Variants in GRIN2A observed in about 807,000 individuals in gnomAD.
GRIN2A encodes the protein glutamate receptor ionotropic, NMDA 2A.
A neutral mutation model predicts 113.4 loss-of-function variants in GRIN2A; 22 were observed. That is an observed-to-expected ratio of 0.19 (90% CI 0.14 to 0.28). The LOEUF (loss-of-function observed/expected upper bound fraction) is 0.28. Among genes scored for constraint, GRIN2A ranks in the 10% least tolerant of loss-of-function variants. The probability of loss-of-function intolerance (pLI) is 1.00; values close to 1 mark genes in which losing one functional copy is unlikely to be tolerated. For synonymous variants in GRIN2A, 827 were observed against 738.4 expected (o/e 1.12, Z -1.94); for missense variants, 1,502 against 1,887.0 (o/e 0.80, Z 3.78).
intron 4 of GRIN2A, among the ~76,000 whole-genome samples, chr16:9,853,874 CA>C (rs529900004): frequency 2.0e-5 from 3 of 151,992 alleles, no homozygotes; most frequent in Middle Eastern, 3.4e-3. Flanking sequence ...TATATTACAG[CA>C]AAAAAACCCA....
chr16:9,783,610 C>A (rs1488488015), intron 11 of GRIN2A, among the ~76,000 whole-genome samples: 1 of 152,278 alleles, frequency 6.6e-6, no homozygotes, highest in East Asian at 1.9e-4. Context: ...ATTTATGCCT[C>A]TAGTTTTCAC....
Position 10,057,377 on chromosome 16 carries a change from G to A in GRIN2A, c.415-118826C>T, listed in dbSNP as rs117304774. 8.1e-3 allele frequency among the ~76,000 whole-genome samples: 1,235 copies of A among 152,180 alleles called. 9 individuals are homozygous for A. Among genetic ancestry groups the A allele is most frequent in the Non-Finnish European group, 0.014 (960 of 68,010 alleles). On this transcript the variant is annotated intron_variant, in intron 2 of 12. Transcript: ENST00000330684. ...TTGTAACTATGTTGGTGGCACTTAG[G>A]CCCTTCCAATATAAATGTTCTGGGG...
chr16:9,961,778 T>C (rs1300048976), intron 2 of GRIN2A, among the ~76,000 whole-genome samples: 1 of 152,036 alleles, frequency 6.6e-6, no homozygotes, highest in Non-Finnish European at 1.5e-5. Flanking sequence ...AAAAAACTAC[T>C]TTAAAGTTCA....
intron 2 of GRIN2A, among the ~76,000 whole-genome samples, chr16:10,138,171 C>T (rs1018903641): frequency 2.6e-5 from 4 of 152,162 alleles, no homozygotes; most frequent in African/African-American, 9.7e-5. Context: ...CTGTTTCCAT[C>T]AAGCCTAAAT....
intron 2 of GRIN2A, among the ~76,000 whole-genome samples, chr16:10,176,871 TA>T (rs952487725): frequency 1.3e-5 from 2 of 152,116 alleles, no homozygotes; most frequent in African/African-American, 4.8e-5. Flanking sequence ...TAAAAAAAGT[TA>T]AAAAAATGTG....
chr16:10,179,952 C>G, intron 2 of GRIN2A, 46 bp downstream of exon 2: 8 of 1,558,348 alleles, frequency 5.1e-6, no homozygotes, highest in Non-Finnish European at 7.1e-6. Flanking sequence ...TGCCATGCAG[C>G]TGGTGGCTTC....
At chr16:10,065,542 C>G (rs1483586050) in intron 2 of GRIN2A, among the ~76,000 whole-genome samples, 1 of 152,226 alleles carries the variant, frequency 6.6e-6, no homozygotes, top group Non-Finnish European at 1.5e-5. Flanking sequence ...TGTGTGACTT[C>G]AGGCAAGTTA....
intron 8 of GRIN2A, among the ~76,000 whole-genome samples, chr16:9,830,992 T>C (rs1207870319): frequency 1.3e-5 from 2 of 152,172 alleles, no homozygotes; most frequent in Non-Finnish European, 2.9e-5. Flanking sequence ...TTCAGAAGGA[T>C]CGGTCCAAGA....
rs1900366160 is a variant in GRIN2A, at chr16:9,756,804, T to C, written c.*6345A>G. 3 of 182,434 alleles carry C rather than the reference T, an allele frequency of 1.6e-5. 1 individual carries two copies. The South Asian group carries it at 5.9e-4, about 36-fold the overall frequency. The allele number at this position is 182,434 out of a possible 1,614,324, so 11.3% of individuals were successfully genotyped here. A position where few individuals can be genotyped will look rare whatever the true frequency, so the allele number is the denominator to read the frequency against. ...TGTAACATTCCAAGAATGCACAGAA[T>C]GGGATAGACAGAGTGACAAAAGCTC... On this transcript the variant is annotated 3_prime_UTR_variant, in exon 13 of 13. Transcript: ENST00000330684.
intron 2 of GRIN2A, among the ~76,000 whole-genome samples, chr16:9,987,210 A>G (rs1297818218): frequency 6.6e-6 from 1 of 152,144 alleles, no homozygotes; most frequent in African/African-American, 2.4e-5. Flanking sequence ...ACAGAATCTA[A>G]CCCTAACCCT....
intron 2 of GRIN2A, among the ~76,000 whole-genome samples, chr16:10,025,236 T>C (rs1307719682): frequency 1.3e-5 from 2 of 150,266 alleles, no homozygotes; most frequent in East Asian, 3.9e-4. Context: ...CTCGTGGCTC[T>C]GGGGTTTAAC....
At chr16:9,780,254 C>A (rs1229624410) in intron 11 of GRIN2A, among the ~76,000 whole-genome samples, 1 of 152,198 alleles carries the variant, frequency 6.6e-6, no homozygotes. Context: ...CAATTTCATT[C>A]CTAGGTATAT....
intron 2 of GRIN2A, among the ~76,000 whole-genome samples, chr16:10,060,872 C>T (rs1319655838): frequency 3.3e-5 from 5 of 152,188 alleles, no homozygotes; most frequent in Non-Finnish European, 7.3e-5. Context: ...AAACCATCCC[C>T]AAATCTAACT....
chr16:9,964,413 G>A (rs2045509896), intron 2 of GRIN2A, among the ~76,000 whole-genome samples: 1 of 152,176 alleles, frequency 6.6e-6, no homozygotes, highest in South Asian at 2.1e-4. Context: ...ATCAGCCATG[G>A]TGCGTTCATT....
At position 9,851,025 on chromosome 16, in the gene GRIN2A, G is replaced by A. The variant is rs539985252; in HGVS notation, c.1123-1064C>T. Among the ~76,000 whole-genome samples, 11 of 152,190 alleles carry A rather than the reference G, an allele frequency of 7.2e-5. No homozygotes were observed. The South Asian group carries it at 2.1e-3, about 29-fold the overall frequency. On this transcript the variant is annotated intron_variant, in intron 4 of 12. Coordinates refer to ENST00000330684, the MANE Select transcript of GRIN2A (RefSeq NM_001134407.3). ...AAACACCTCGTGTGAAAAGCTAAGT[G>A]CCAAATCCAGGCTTGTCTGTGTTGA...
intron 2 of GRIN2A, among the ~76,000 whole-genome samples, chr16:10,091,890 G>T (rs2048190924): frequency 6.6e-6 from 1 of 152,160 alleles, no homozygotes; most frequent in African/African-American, 2.4e-5. Context: ...TGACAGGCCT[G>T]AGATAATTTT....
intron 2 of GRIN2A, among the ~76,000 whole-genome samples, chr16:10,152,760 A>G (rs1469100146): frequency 6.6e-6 from 1 of 152,208 alleles, no homozygotes; most frequent in Non-Finnish European, 1.5e-5. Flanking sequence ...CAACGCAAAA[A>G]GGAAGTGTGA....
intron 10 of GRIN2A, among the ~76,000 whole-genome samples, chr16:9,810,041 C>G (rs2042056913): frequency 6.6e-6 from 1 of 152,148 alleles, no homozygotes; most frequent in Non-Finnish European, 1.5e-5. Flanking sequence ...GCACTCCAGC[C>G]TGGGTGAATG....
Position 9,763,124 on chromosome 16 carries a change from T to A in GRIN2A, c.*25A>T. 6.2e-7 allele frequency: 1 copy of A among 1,608,176 alleles called. No homozygotes were observed. The highest frequency in any genetic ancestry group is 1.7e-4 in the Middle Eastern group (1 of 6,026). ...ATTGGCCATTACGTATATTTCCCTA[T>A]AGATAAAACATTAATGGAAGATTTT... On this transcript the variant is annotated 3_prime_UTR_variant, in exon 13 of 13. Coordinates refer to ENST00000330684, the MANE Select transcript of GRIN2A (RefSeq NM_001134407.3).
Sources: gnomAD v4.1 joint callset for allele counts (sites outside exome capture counted in the v4.1 genomes callset) on GRCh38, gnomAD v4.1.1 for gene constraint, MANE v1.5 for transcripts, NCBI Gene and HGNC (gene_info 2026-07-23, HGNC 2026-07-21) for gene names.